The following MYO3A variants were observed in gnomAD, a reference collection of about 807,000 sequenced individuals.
The protein encoded by MYO3A is myosin-IIIa.
A neutral mutation model predicts 192.7 loss-of-function variants in MYO3A; 180 were observed. The observed-to-expected ratio is 0.93, with a 90% confidence interval of 0.83 to 1.06. MYO3A has a LOEUF of 1.06. MYO3A is among the 50% of genes least tolerant of loss of function. MYO3A has a pLI of 0.00. For synonymous variants in MYO3A, 628 were observed against 645.3 expected (o/e 0.97, Z 0.41); for missense variants, 1,896 against 1,905.0 (o/e 1.00, Z 0.09).
Position 25,935,749 on chromosome 10 carries a change from G to A in MYO3A, c.-99G>A, listed in dbSNP as rs958347010. The A allele has an allele frequency of 1.4e-4, 22 of 152,186 alleles. No individual in the cohort carries two copies. The highest frequency in any genetic ancestry group is 4.6e-4 in the African/African-American group (19 of 41,438). The allele number at this position is 152,186 out of a possible 1,614,324, so 9.4% of individuals were successfully genotyped here. A position where few individuals can be genotyped will look rare whatever the true frequency, so the allele number is the denominator to read the frequency against. ...CTTTTTGTTTTGGGTTACAGGCCCA[G>A]GGCCCCAGTGCAGCCTGGACACAGT... is the stretch of plus-strand genomic sequence containing the variant. On this transcript the variant is annotated 5_prime_UTR_variant, in exon 2 of 35. Transcript: ENST00000642920.
chr10:26,109,614 G>T (rs529630695), intron 17 of MYO3A, among the ~76,000 whole-genome samples: 67 of 152,312 alleles, frequency 4.4e-4, no homozygotes, highest in African/African-American at 1.6e-3. Context: ...ATCCACCATG[G>T]ATTAGAGGGG....
intron 6 of MYO3A, among the ~76,000 whole-genome samples, chr10:26,011,630 T>G (rs1406899026): frequency 6.6e-6 from 1 of 152,016 alleles, no homozygotes; most frequent in Non-Finnish European, 1.5e-5. Flanking sequence ...ATTTAAAAAC[T>G]GTCAACAAAA....
chr10:26,210,792 C>T (rs1358938498), intron 34 of MYO3A, among the ~76,000 whole-genome samples: 1 of 152,206 alleles, frequency 6.6e-6, no homozygotes, highest in East Asian at 1.9e-4. Flanking sequence ...GGTCTCCTTG[C>T]TGTTCCTTGA....
chr10:26,021,821 G>A, intron 8 of MYO3A, 173 bp downstream of exon 8: 2 of 825,970 alleles, frequency 2.4e-6, no homozygotes, highest in South Asian at 3.1e-5. Flanking sequence ...TTCAGTAGTT[G>A]CATTTCCCTG....
At chr10:25,986,696 C>A (rs1839675907) in intron 4 of MYO3A, among the ~76,000 whole-genome samples, 1 of 152,084 alleles carries the variant, frequency 6.6e-6, no homozygotes, top group Non-Finnish European at 1.5e-5. Flanking sequence ...CAAAACCGTG[C>A]TGAAAGAAAT....
At chr10:26,060,594 A>G (rs1588880936) in intron 10 of MYO3A, among the ~76,000 whole-genome samples, 1 of 152,270 alleles carries the variant, frequency 6.6e-6, no homozygotes, top group South Asian at 2.1e-4. Context: ...TACAATTCTA[A>G]TATATGGCAC....
chr10:25,974,797 T>C (rs1222712011), intron 4 of MYO3A, among the ~76,000 whole-genome samples: 1 of 152,208 alleles, frequency 6.6e-6, no homozygotes, highest in Non-Finnish European at 1.5e-5. Flanking sequence ...GAGAATGAAT[T>C]GATGAGTTCA....
intron 10 of MYO3A, among the ~76,000 whole-genome samples, chr10:26,060,479 C>T (rs1184650464): frequency 6.6e-6 from 1 of 151,648 alleles, no homozygotes; most frequent in African/African-American, 2.4e-5. Context: ...AACAAACAAA[C>T]AAACAAACAA....
chr10:25,989,152 C>T (rs1219414333), intron 4 of MYO3A, among the ~76,000 whole-genome samples: 1 of 151,574 alleles, frequency 6.6e-6, no homozygotes, highest in Non-Finnish European at 1.5e-5. Context: ...TACTGTGTTA[C>T]CCAGGCTGGT....
intron 15 of MYO3A, 128 bp downstream of exon 15, chr10:26,088,533 TG>T: frequency 1.1e-6 from 1 of 888,456 alleles, no homozygotes; most frequent in Non-Finnish European, 1.8e-6. Flanking sequence ...CACTTACTAT[TG>T]AGAATGAAGA....
At chr10:26,180,878 A>G (rs1322493082) in intron 31 of MYO3A, among the ~76,000 whole-genome samples, 2 of 152,176 alleles carry the variant, frequency 1.3e-5, no homozygotes, top group African/African-American at 4.8e-5. Flanking sequence ...AAAAAATTGC[A>G]TTCAAAATCT....
intron 14 of MYO3A, 43 bp from the exon 15 acceptor site, chr10:26,088,160 A>G (rs776790334): frequency 1.4e-6 from 2 of 1,437,088 alleles, no homozygotes; most frequent in Admixed American, 1.9e-5. Context: ...ATACCAAATT[A>G]ATTTTTTATG....
rs1407513273 is a variant in MYO3A at position 25,995,065 on chromosome 10, T to A, written c.304-1425T>A. Among the ~76,000 whole-genome samples, 4 of 152,308 alleles carry A rather than the reference T, an allele frequency of 2.6e-5. No individual in the cohort carries two copies. In the East Asian group the frequency reaches 5.8e-4, roughly 22 times the overall value. Reference sequence around the variant, plus strand: ...AATTTGAATGTTGTCCTGCCTTGCTTGGTTGGGGAAGTTCTCCTGGATAAT... The same window carrying A: ...AATTTGAATGTTGTCCTGCCTTGCTAGGTTGGGGAAGTTCTCCTGGATAAT... On this transcript the variant is annotated intron_variant, in intron 4 of 34. Coordinates refer to ENST00000642920, the MANE Select transcript of MYO3A (RefSeq NM_017433.5).
chr10:26,122,169 A>G (rs970510060), intron 18 of MYO3A, among the ~76,000 whole-genome samples: 2 of 152,228 alleles, frequency 1.3e-5, no homozygotes, highest in East Asian at 3.8e-4. Flanking sequence ...ATGAGTTGCA[A>G]TAGAGATAGG....
chr10:26,023,906 G>C, intron 8 of MYO3A, 116 bp from the exon 9 acceptor site: 1 of 894,280 alleles, frequency 1.1e-6, no homozygotes, highest in Non-Finnish European at 1.9e-6. Flanking sequence ...GGAAAAGATG[G>C]AATCCTTGAT....
intron 19 of MYO3A, among the ~76,000 whole-genome samples, chr10:26,127,031 A>G (rs546027110): frequency 1.3e-5 from 2 of 152,064 alleles, no homozygotes; most frequent in Non-Finnish European, 2.9e-5. Context: ...AACTTACTGC[A>G]TTTGTCTGGG....
chr10:26,124,094 T>C (rs1181411729), intron 18 of MYO3A, among the ~76,000 whole-genome samples: 1 of 147,612 alleles, frequency 6.8e-6, no homozygotes, highest in African/African-American at 2.5e-5. Context: ...GAGGCTGAAG[T>C]AGGAGGATCT....
rs561619199 is a variant in MYO3A, at chr10:25,938,797, G to T, written c.-18+2967G>T. Among the ~76,000 whole-genome samples, 14 of 152,204 alleles carry T rather than the reference G, an allele frequency of 9.2e-5. No individual in the cohort carries two copies. In the South Asian group the frequency reaches 2.9e-3, roughly 32 times the overall value. On this transcript the variant is annotated intron_variant, in intron 2 of 34. Transcript: ENST00000642920. ...ATTTATATTTTCATTAAAAAGTCCT[G>T]CTTTCTGCATGTATTTTGGAAAGTT...
At chr10:26,189,715 A>C (rs1418757490) in intron 31 of MYO3A, among the ~76,000 whole-genome samples, 1 of 152,198 alleles carries the variant, frequency 6.6e-6, no homozygotes, top group Non-Finnish European at 1.5e-5. Context: ...AAGAAAAAAG[A>C]GGCATCATCA....
Sources: allele counts gnomAD v4.1 joint callset (sites outside exome capture counted in the v4.1 genomes callset), GRCh38; gene constraint gnomAD v4.1.1; transcripts MANE v1.5; gene names NCBI Gene and HGNC (gene_info 2026-07-23, HGNC 2026-07-21).